Variants in PTPRT observed in about 807,000 individuals in gnomAD.
PTPRT encodes the protein receptor-type tyrosine-protein phosphatase T.
A neutral mutation model predicts 176.8 loss-of-function variants in PTPRT; 56 were observed. The ratio of observed to expected loss-of-function variants is 0.32; its 90% CI spans 0.26 to 0.40. PTPRT has a LOEUF of 0.40. Among genes scored for constraint, PTPRT ranks in the 10% least tolerant of loss-of-function variants. The pLI, the probability that PTPRT is intolerant of heterozygous loss-of-function variation, is 1.00. For synonymous variants in PTPRT, 783 were observed against 739.0 expected (o/e 1.06, Z -0.96); for missense variants, 1,540 against 1,908.2 (o/e 0.81, Z 3.60).
chr20:42,523,139 C>G (rs1228706941), intron 7 of PTPRT, among the ~76,000 whole-genome samples: 1 of 152,156 alleles, frequency 6.6e-6, no homozygotes. Context: ...ATTGCAAGAT[C>G]CTTCACAGTT....
intron 6 of PTPRT, among the ~76,000 whole-genome samples, chr20:42,741,508 C>A (rs1300910334): frequency 6.6e-6 from 1 of 152,096 alleles, no homozygotes; most frequent in Non-Finnish European, 1.5e-5. Context: ...CCACACCCGG[C>A]TAATTTCTTG....
At chr20:42,955,980 T>C (rs912502174) in intron 1 of PTPRT, among the ~76,000 whole-genome samples, 8 of 152,266 alleles carry the variant, frequency 5.3e-5, no homozygotes, top group African/African-American at 1.9e-4. Flanking sequence ...GCCCTTGGCC[T>C]TAGCGCATTC....
At chr20:42,311,141 C>T (rs1204089086) in intron 12 of PTPRT, among the ~76,000 whole-genome samples, 1 of 152,066 alleles carries the variant, frequency 6.6e-6, no homozygotes, top group Non-Finnish European at 1.5e-5. Flanking sequence ...TATTTTTGTT[C>T]TCTCCCCCAC....
chr20:42,664,457 C>T (rs2075278559), intron 7 of PTPRT, among the ~76,000 whole-genome samples: 1 of 152,092 alleles, frequency 6.6e-6, no homozygotes, highest in Non-Finnish European at 1.5e-5. Context: ...GAGTCTCTCC[C>T]AATAAAAGAA....
At chr20:42,168,664 CTCAATTGAT>C (rs1814276153) in intron 16 of PTPRT, among the ~76,000 whole-genome samples, 1 of 152,216 alleles carries the variant, frequency 6.6e-6, no homozygotes, top group African/African-American at 2.4e-5. Context: ...AACATAATCT[CTCAATTGAT>C]TCAACCACAG....
At chr20:42,507,689 T>G (rs2071871967) in intron 7 of PTPRT, among the ~76,000 whole-genome samples, 2 of 152,058 alleles carry the variant, frequency 1.3e-5, no homozygotes, top group Admixed American at 6.6e-5. Flanking sequence ...TTCCTTTCTC[T>G]CTAGACCTGA....
intron 18 of PTPRT, among the ~76,000 whole-genome samples, chr20:42,138,774 G>A (rs1037364476): frequency 2.6e-5 from 4 of 152,138 alleles, no homozygotes; most frequent in Non-Finnish European, 5.9e-5. Flanking sequence ...AAACCCCACT[G>A]TCTCTATTAC....
At chr20:43,033,917 C>T (rs545671356) in intron 1 of PTPRT, among the ~76,000 whole-genome samples, 1 of 152,340 alleles carries the variant, frequency 6.6e-6, no homozygotes, top group African/African-American at 2.4e-5. Context: ...CTCCTGACCA[C>T]CCTGCTGCCT....
chr20:42,276,782 G>C (rs2057047442), intron 13 of PTPRT, among the ~76,000 whole-genome samples: 1 of 151,468 alleles, frequency 6.6e-6, no homozygotes, highest in Non-Finnish European at 1.5e-5. Flanking sequence ...AATGGGAGTA[G>C]GCATTGCCTA....
intron 16 of PTPRT, among the ~76,000 whole-genome samples, chr20:42,180,687 A>C (rs1358994210): frequency 6.6e-6 from 1 of 152,230 alleles, no homozygotes; most frequent in Non-Finnish European, 1.5e-5. Flanking sequence ...CAGCATGTTC[A>C]GAAGCTTGTT....
chr20:42,724,770 C>G (rs562704174), intron 6 of PTPRT, among the ~76,000 whole-genome samples: 1 of 152,292 alleles, frequency 6.6e-6, no homozygotes, highest in East Asian at 1.9e-4. Flanking sequence ...TACGCTCCAG[C>G]CTAGCATAGC....
the PTPRT span, among the ~76,000 whole-genome samples, chr20:42,056,858 G>C: frequency 6.6e-6 from 1 of 152,204 alleles, no homozygotes; most frequent in Non-Finnish European, 1.5e-5. Flanking sequence ...ACACAGGAAA[G>C]AGCAGAAGAC....
chr20:42,345,022 AC>A (rs2058167041), intron 11 of PTPRT, among the ~76,000 whole-genome samples: 1 of 151,814 alleles, frequency 6.6e-6, no homozygotes, highest in Non-Finnish European at 1.5e-5. Flanking sequence ...TCACCATTCT[AC>A]CAAGGGCTGC....
At chr20:42,700,181 A>G (rs182629811) in intron 6 of PTPRT, among the ~76,000 whole-genome samples, 1 of 152,326 alleles carries the variant, frequency 6.6e-6, no homozygotes, top group East Asian at 1.9e-4. Context: ...TATCTCTGAC[A>G]AAACGAAACA....
chr20:42,084,190 G>A (rs898028461), intron 29 of PTPRT, among the ~76,000 whole-genome samples: 3 of 152,204 alleles, frequency 2.0e-5, no homozygotes, highest in African/African-American at 7.2e-5. Flanking sequence ...CCAGCGTAAT[G>A]ACACCAGAAT....
chr20:42,520,841 GTAGATAGATAGATAGA>G (rs57774363), intron 7 of PTPRT, among the ~76,000 whole-genome samples: 134 of 143,914 alleles, frequency 9.3e-4, no homozygotes, highest in Middle Eastern at 3.5e-3. Flanking sequence ...GGGTGTGTGT[GTAGATAGATAGATAGA>G]TAGATAGATA....
chr20:42,214,567 C>A (rs1025218604), intron 15 of PTPRT, among the ~76,000 whole-genome samples: 6 of 152,240 alleles, frequency 3.9e-5, no homozygotes, highest in African/African-American at 1.4e-4. Context: ...AGGACTTGGT[C>A]TTCTACTTCC....
intron 9 of PTPRT, among the ~76,000 whole-genome samples, chr20:42,384,164 G>C (rs997139059): frequency 1.2e-4 from 19 of 152,172 alleles, no homozygotes; most frequent in African/African-American, 4.1e-4. Flanking sequence ...CCATGCACTA[G>C]TACAGGGTCA....
At chr20:42,598,160 G>C (rs979167346) in intron 7 of PTPRT, among the ~76,000 whole-genome samples, 1 of 151,914 alleles carries the variant, frequency 6.6e-6, no homozygotes, top group Non-Finnish European at 1.5e-5. Flanking sequence ...TGATCAAAAG[G>C]TATTTAAGTA....
Sources: allele counts gnomAD v4.1 joint callset (sites outside exome capture counted in the v4.1 genomes callset), GRCh38; gene constraint gnomAD v4.1.1; transcripts MANE v1.5; gene names NCBI Gene and HGNC (gene_info 2026-07-23, HGNC 2026-07-21).